The following ASB5 variants were observed in gnomAD, a reference collection of about 807,000 sequenced individuals.
The protein encoded by ASB5 is ankyrin repeat and SOCS box containing 5.
In ASB5, 45 loss-of-function variants were observed where a neutral mutation model predicts 42.1. The ratio of observed to expected loss-of-function variants is 1.07; its 90% CI spans 0.84 to 1.37. ASB5 has a LOEUF of 1.37. Among genes scored for constraint, ASB5 ranks in the 40% most tolerant of loss-of-function variants. The pLI is 0.00. For synonymous variants in ASB5, 147 were observed against 150.6 expected (o/e 0.98, Z 0.18); for missense variants, 402 against 399.8 (o/e 1.01, Z -0.05).
At chr4:176,251,333 C>T (rs571336859) in intron 1 of ASB5, among the ~76,000 whole-genome samples, 2 of 18,676 alleles carry the variant, frequency 1.1e-4, no homozygotes, top group Non-Finnish European at 1.7e-4. Flanking sequence ...GAGGCCGAGG[C>T]GGGCGGATCA....
At chr4:176,245,002 C>T (rs1258701351) in intron 1 of ASB5, among the ~76,000 whole-genome samples, 2 of 152,096 alleles carry the variant, frequency 1.3e-5, no homozygotes, top group Non-Finnish European at 2.9e-5. Context: ...CCAGGCCTCA[C>T]CTCAGTCACC....
upstream of ASB5, among the ~76,000 whole-genome samples, chr4:176,271,141 G>A (rs907602647): frequency 1.3e-5 from 2 of 152,142 alleles, no homozygotes; most frequent in Non-Finnish European, 2.9e-5. Flanking sequence ...TTTATGTCAA[G>A]ATATCAGGTT....
In ASB5 at chr4:176,268,847, A is replaced by T. The variant is rs929394608; in HGVS notation, c.196+66T>A. The T allele has an allele frequency of 3.1e-6, 4 of 1,310,636 alleles. No individual in the cohort carries two copies. The African/African-American group carries it at 6.0e-5, about 20-fold the overall frequency. The allele number at this position is 1,310,636 out of a possible 1,614,324, so 81.2% of individuals were successfully genotyped here. On this transcript the variant is annotated intron_variant, in intron 1 of 6. Coordinates refer to ENST00000296525, the MANE Select transcript of ASB5 (RefSeq NM_080874.4). ...CCTTGAAGCAGTCTAAAAAGAAAAC[A>T]TGTAATTGTGGATCAGATGAAAGTT...
chr4:176,273,239 C>T (rs183485860), upstream of ASB5, among the ~76,000 whole-genome samples: 124 of 152,204 alleles, frequency 8.1e-4, 2 homozygotes, highest in African/African-American at 2.2e-3. Flanking sequence ...AGCATAATGG[C>T]GACATGTTCC....
At chr4:176,273,108 C>G (rs1297605375), upstream of ASB5, among the ~76,000 whole-genome samples, 1 of 151,972 alleles carries the variant, frequency 6.6e-6, no homozygotes, top group Non-Finnish European at 1.5e-5. Flanking sequence ...AGCCACTGTG[C>G]CCAGCCCTTT....
intron 5 of ASB5, among the ~76,000 whole-genome samples, chr4:176,219,519 T>TA (rs1753124782): frequency 3.6e-5 from 2 of 55,370 alleles, no homozygotes; most frequent in Non-Finnish European, 3.8e-5. Flanking sequence ...ATATATATAT[T>TA]TGTATGATAT....
At chr4:176,251,146 A>G (rs1045820063) in intron 1 of ASB5, among the ~76,000 whole-genome samples, 2 of 151,848 alleles carry the variant, frequency 1.3e-5, no homozygotes, top group South Asian at 2.1e-4. Context: ...GGCTCTAGCC[A>G]CAGATAGTTT....
rs557630269 is a variant in ASB5, at chr4:176,215,775, T to G, written c.863-48A>C. Reference sequence around the variant, plus strand: ...TTGTTAATTAAAATAGAAATGAATTTTTTATGTTGTAAGGTACATAACATA... The same window carrying G: ...TTGTTAATTAAAATAGAAATGAATTGTTTATGTTGTAAGGTACATAACATA... On this transcript the variant is annotated intron_variant, in intron 6 of 6. Coordinates refer to ENST00000296525, the MANE Select transcript of ASB5 (RefSeq NM_080874.4). The G allele has an allele frequency of 1.6e-5, 25 of 1,551,260 alleles. No homozygotes were observed. The African/African-American group carries it at 3.2e-4, about 20-fold the overall frequency.
At chr4:176,252,084 GAA>G (rs57692791) in intron 1 of ASB5, among the ~76,000 whole-genome samples, 2,079 of 107,718 alleles carry the variant, frequency 0.019, 55 homozygotes, top group African/African-American at 0.067. Context: ...AAAAAAAAAA[GAA>G]AAAAAAAAAA....
At chr4:176,234,743 G>A (rs1753641914) in intron 1 of ASB5, among the ~76,000 whole-genome samples, 1 of 152,176 alleles carries the variant, frequency 6.6e-6, no homozygotes, top group Non-Finnish European at 1.5e-5. Context: ...GGCTGTGAAA[G>A]GAGGCATATC....
intron 4 of ASB5, 56 bp from the exon 5 acceptor site, chr4:176,221,345 A>C (rs1309951994): frequency 1.2e-6 from 2 of 1,601,794 alleles, no homozygotes; most frequent in African/African-American, 1.3e-5. Flanking sequence ...CACACACCTC[A>C]CCCCAGGCTT....
At chr4:176,228,166 GTTCTGT>G (rs1753430778) in intron 1 of ASB5, among the ~76,000 whole-genome samples, 1 of 152,110 alleles carries the variant, frequency 6.6e-6, no homozygotes, top group African/African-American at 2.4e-5. Context: ...CTCATATTGG[GTTCTGT>G]TTCTTAGATA....
chr4:176,222,356 T>A lies in ASB5; in HGVS notation c.341A>T (p.Asp114Val), dbSNP rs1478547963. 1 of 1,614,072 alleles carries A rather than the reference T, an allele frequency of 6.2e-7. No individual in the cohort carries two copies. Among genetic ancestry groups the A allele is most frequent in the South Asian group, 1.1e-5 (1 of 91,034 alleles). ...VTPLHEACLG[D>V]HVACARTLLE... is the part of the protein sequence containing the mutation. ...CAGAGTTCTGGCACATGCCACGTGA[T>A]CTCCAAGGCAGGCTTCGTGCAATGG... The change falls in exon 3 of 7, where the codon GAT (aspartate) becomes GTT (valine). Residue 114 changes from aspartate (D) to valine (V), a missense_variant. By Grantham distance (152) the Asp-to-Val change is radical. Coordinates refer to ENST00000296525, the MANE Select transcript of ASB5 (RefSeq NM_080874.4).
intron 1 of ASB5, among the ~76,000 whole-genome samples, chr4:176,265,025 A>C (rs1402408857): frequency 6.6e-6 from 1 of 152,116 alleles, no homozygotes; most frequent in African/African-American, 2.4e-5. Context: ...TCCAACTCCA[A>C]AGAATATTAC....
At chr4:176,235,771 T>C (rs1753669395) in intron 1 of ASB5, among the ~76,000 whole-genome samples, 1 of 151,780 alleles carries the variant, frequency 6.6e-6, no homozygotes, top group African/African-American at 2.4e-5. Flanking sequence ...CTAAATCTAG[T>C]GAAAGTTTGC....
chr4:176,256,975 G>A (rs1487652102), intron 1 of ASB5, among the ~76,000 whole-genome samples: 7 of 152,278 alleles, frequency 4.6e-5, no homozygotes, highest in African/African-American at 1.7e-4. Flanking sequence ...GAAAGGAGCA[G>A]AGAAAATAAA....
chr4:176,239,010 A>G (rs1357677869), intron 1 of ASB5, among the ~76,000 whole-genome samples: 1 of 152,226 alleles, frequency 6.6e-6, no homozygotes, highest in African/African-American at 2.4e-5. Context: ...CACAAAAGGT[A>G]AGAGAGTGCG....
At chr4:176,241,101 T>C (rs1232606989) in intron 1 of ASB5, among the ~76,000 whole-genome samples, 1 of 152,220 alleles carries the variant, frequency 6.6e-6, no homozygotes, top group Admixed American at 6.5e-5. Context: ...ATAAATATTT[T>C]AGTATTATCT....
intron 1 of ASB5, among the ~76,000 whole-genome samples, chr4:176,235,575 TTTAA>T (rs1372474114): frequency 6.6e-6 from 1 of 152,206 alleles, no homozygotes; most frequent in African/African-American, 2.4e-5. Flanking sequence ...TATTTATTTA[TTTAA>T]TTATCTATCA....
Sources: allele counts gnomAD v4.1 joint callset (sites outside exome capture counted in the v4.1 genomes callset), GRCh38; gene constraint gnomAD v4.1.1; transcripts MANE v1.5; gene names NCBI Gene and HGNC (gene_info 2026-07-23, HGNC 2026-07-21).